The following CTPS2 variants were observed in gnomAD, a reference collection of about 807,000 sequenced individuals.
The protein encoded by CTPS2 is CTP synthase II.
A neutral mutation model predicts 46.8 loss-of-function variants in CTPS2; 19 were observed. The observed-to-expected ratio is 0.41, with a 90% CI of 0.28 to 0.60. CTPS2 has a LOEUF of 0.60. CTPS2 is among the 20% of genes least tolerant of loss of function. CTPS2 has a pLI of 0.35. For synonymous variants in CTPS2, 151 were observed against 165.2 expected (o/e 0.91, Z 0.66); for missense variants, 286 against 447.6 (o/e 0.64, Z 3.26).
At chrX:16,609,475 T>C in intron 17 of CTPS2, 66 bp downstream of exon 17, 2 of 1,079,103 alleles carry the variant, frequency 1.9e-6, no homozygotes, top group Non-Finnish European at 2.5e-6. Flanking sequence ...TTAATTTTTG[T>C]AAGAAACCCT....
intron 13 of CTPS2, among the ~76,000 whole-genome samples, chrX:16,663,894 GGT>G (rs1933056170): frequency 9.0e-6 from 1 of 110,629 alleles, no homozygotes; most frequent in Non-Finnish European, 1.9e-5. Flanking sequence ...GGAGTACAGT[GGT>G]GCAATCTCGG....
intron 7 of CTPS2, among the ~76,000 whole-genome samples, chrX:16,690,291 A>C (rs1017299048): frequency 9.1e-6 from 1 of 110,354 alleles, no homozygotes; most frequent in Admixed American, 9.8e-5. Context: ...GAATCGCTTG[A>C]ACCCAGGAGG....
Position 16,694,112 on chromosome X carries a change from C to T in CTPS2, c.439-625G>A, listed in dbSNP as rs770130076. On this transcript the variant is annotated intron_variant, in intron 4 of 18. Transcript: ENST00000359276. Reference sequence around the variant, plus strand: ...CCAGGAGGCAGAGGTTGCAGTGAGTCGAGATCACACCGTTGCACTCCAGCC... The same window carrying T: ...CCAGGAGGCAGAGGTTGCAGTGAGTTGAGATCACACCGTTGCACTCCAGCC... Among the ~76,000 whole-genome samples, 6 of 111,553 alleles carry T rather than the reference C, an allele frequency of 5.4e-5. No individual in the cohort carries two copies. In the East Asian group the frequency reaches 1.7e-3, roughly 32 times the overall value.
At chrX:16,642,456 C>T (rs182317998) in intron 13 of CTPS2, among the ~76,000 whole-genome samples, 1 of 111,737 alleles carries the variant, frequency 8.9e-6, no homozygotes, top group African/African-American at 3.2e-5. Context: ...CAGGAAGGTT[C>T]TGTGTGGGCC....
intron 17 of CTPS2, among the ~76,000 whole-genome samples, chrX:16,608,851 T>C (rs1930121207): frequency 9.0e-6 from 1 of 111,134 alleles, no homozygotes; most frequent in East Asian, 2.8e-4. Context: ...CCTCACAGGT[T>C]TCACTGAAAA....
At chrX:16,665,117 A>G (rs1036073816) in intron 13 of CTPS2, among the ~76,000 whole-genome samples, 1 of 111,995 alleles carries the variant, frequency 8.9e-6, no homozygotes, top group Non-Finnish European at 1.9e-5. Flanking sequence ...TAGGATGGCT[A>G]TCATCAAAAA....
rs971545761 is a variant in CTPS2, at chrX:16,703,025, T to A, written c.-39-84A>T. The A allele has an allele frequency of 7.6e-5, 37 of 484,633 alleles. No individual in the cohort carries two copies. The African/African-American group carries it at 9.0e-4, about 12-fold the overall frequency. The allele number at this position is 484,633 out of a possible 1,213,427, so 39.9% of individuals were successfully genotyped here. A position where few individuals can be genotyped will look rare whatever the true frequency, so the allele number is the denominator to read the frequency against. The stretch of plus-strand genomic sequence containing the variant: ...ACAGTGTATTCAACCAGAATTAATT[T>A]TTTTTTTTTTTTTTTTTAGACATAG... On this transcript the variant is annotated intron_variant, in intron 1 of 18. Transcript: ENST00000359276.
Position 16,588,374 on chromosome X carries a change from T to C in CTPS2, c.*1443A>G, listed in dbSNP as rs73630552. 55 of 112,199 alleles carry C rather than the reference T, an allele frequency of 4.9e-4. No homozygotes were observed. The highest frequency in any genetic ancestry group is 1.7e-3 in the African/African-American group (52 of 30,900). 9.2% of individuals were successfully genotyped at this position (112,199 alleles called of 1,213,427 possible). On this transcript the variant is annotated 3_prime_UTR_variant, in exon 19 of 19. Transcript: ENST00000359276. ...CTCCTAAGGCCAGTTCCTGGAATTGTTTAAGTAAAAGACATGGTTAAGCAT... is the reference window on the plus strand; with the variant it reads ...CTCCTAAGGCCAGTTCCTGGAATTGCTTAAGTAAAAGACATGGTTAAGCAT...
At chrX:16,635,623 G>A (rs186729534) in intron 14 of CTPS2, among the ~76,000 whole-genome samples, 8 of 110,991 alleles carry the variant, frequency 7.2e-5, no homozygotes, top group African/African-American at 2.6e-4. Context: ...GCAGTGAGCC[G>A]AGATCACACC....
chrX:16,637,619 T>C (rs1602174644), intron 14 of CTPS2, among the ~76,000 whole-genome samples: 1 of 112,736 alleles, frequency 8.9e-6, no homozygotes, highest in Non-Finnish European at 1.9e-5. Flanking sequence ...TCAATAGATA[T>C]AATTTTAGGA....
intron 10 of CTPS2, among the ~76,000 whole-genome samples, chrX:16,672,949 G>C (rs1310314682): frequency 1.0e-5 from 1 of 96,706 alleles, no homozygotes; most frequent in Non-Finnish European, 2.1e-5. Flanking sequence ...TGCAGTGGCG[G>C]GATCTCGGCT....
At chrX:16,640,367 A>G (rs973201795) in intron 13 of CTPS2, among the ~76,000 whole-genome samples, 1 of 110,668 alleles carries the variant, frequency 9.0e-6, no homozygotes, top group Non-Finnish European at 1.9e-5. Flanking sequence ...TCTTAGCTCC[A>G]CTATCCAACA....
At chrX:16,668,028 CAA>C (rs751502353) in intron 11 of CTPS2, among the ~76,000 whole-genome samples, 13 of 109,867 alleles carry the variant, frequency 1.2e-4, no homozygotes, top group Admixed American at 5.0e-4. Context: ...TTTGGAAAGC[CAA>C]AGTGAGCAGA....
chrX:16,673,513 G>C (rs769104977), intron 10 of CTPS2, among the ~76,000 whole-genome samples: 1 of 110,336 alleles, frequency 9.1e-6, no homozygotes, highest in Admixed American at 9.8e-5. Flanking sequence ...CTTTCTGATT[G>C]ATATTTGGGT....
rs981982749 is a variant in CTPS2, at chrX:16,605,130, A to G, written c.1691+4411T>C. Among the ~76,000 whole-genome samples, 5 of 111,383 alleles carry G rather than the reference A, an allele frequency of 4.5e-5. No homozygotes were observed. The East Asian group carries it at 1.1e-3, about 25-fold the overall frequency. On this transcript the variant is annotated intron_variant, in intron 17 of 18. Coordinates refer to ENST00000359276, the MANE Select transcript of CTPS2 (RefSeq NM_175859.3). Reference sequence around the variant, plus strand: ...GGGCTTAGGCTGTTTATACAATGTGATCTATGGTGAACACCTGCTTTCCCT... The same window carrying G: ...GGGCTTAGGCTGTTTATACAATGTGGTCTATGGTGAACACCTGCTTTCCCT...
chrX:16,695,005 C>CAACAACAAA (rs1569235045), intron 4 of CTPS2, among the ~76,000 whole-genome samples: 1 of 109,339 alleles, frequency 9.1e-6, no homozygotes, highest in African/African-American at 3.3e-5. Flanking sequence ...CTTTAAAAAA[C>CAACAACAAA]AACAACAACA....
chrX:16,635,478 G>A (rs1005510130), intron 14 of CTPS2, among the ~76,000 whole-genome samples: 3 of 111,111 alleles, frequency 2.7e-5, no homozygotes, highest in African/African-American at 9.8e-5. Flanking sequence ...TTCGAGACCA[G>A]CCTGACCAAC....
At position 16,650,539 on chromosome X, in the gene CTPS2, C is replaced by T. The variant is rs773200256; in HGVS notation, c.1297-11296G>A. Reference sequence around the variant, plus strand: ...TTTTTTTTTTTTTTTTTTTTTGCAGCGGAGGCTCGCTCTGTCACCCAGGCT... The same window carrying T: ...TTTTTTTTTTTTTTTTTTTTTGCAGTGGAGGCTCGCTCTGTCACCCAGGCT... On this transcript the variant is annotated intron_variant, in intron 13 of 18. Transcript: ENST00000359276. Among the ~76,000 whole-genome samples the T allele has an allele frequency of 9.7e-5, 8 of 82,728 alleles. No homozygotes were observed. In the East Asian group the frequency reaches 2.5e-3, roughly 26 times the overall value. The allele number at this position is 82,728 out of a possible 115,157, so 71.8% of individuals were successfully genotyped here.
In CTPS2 at chrX:16,594,762, T is replaced by G. The variant is rs199580556; in HGVS notation, c.1692-3900A>C. Among the ~76,000 whole-genome samples, 16 of 112,526 alleles carry G rather than the reference T, an allele frequency of 1.4e-4. No homozygotes were observed. The East Asian group carries it at 3.6e-3, about 26-fold the overall frequency. On this transcript the variant is annotated intron_variant, in intron 17 of 18. Coordinates refer to ENST00000359276, the MANE Select transcript of CTPS2 (RefSeq NM_175859.3). Reference sequence around the variant, plus strand: ...GAAGTTCAGCTTGAATTTATTCATCTCCAAGCTTAATGACTGGGTTCACTA... The same window carrying G: ...GAAGTTCAGCTTGAATTTATTCATCGCCAAGCTTAATGACTGGGTTCACTA...
Sources: allele counts gnomAD v4.1 joint callset (sites outside exome capture counted in the v4.1 genomes callset), GRCh38; gene constraint gnomAD v4.1.1; transcripts MANE v1.5; gene names NCBI Gene and HGNC (gene_info 2026-07-23, HGNC 2026-07-21).